RCC2: variants seen among roughly 807,000 people sequenced by gnomAD.
RCC2 encodes the protein regulator of chromosome condensation 2.
Under a neutral mutation model 64.1 loss-of-function variants are expected in RCC2, and 19 were observed. That is an observed-to-expected ratio of 0.30 (90% CI 0.21 to 0.44). The LOEUF is 0.44. Among genes scored for constraint, RCC2 ranks in the 20% least tolerant of loss-of-function variants. The probability of loss-of-function intolerance (pLI) is 1.00; values close to 1 mark genes in which losing one functional copy is unlikely to be tolerated. For missense variants in RCC2, 508 were observed against 710.4 expected, an observed-to-expected ratio of 0.72 and a Z score of 3.24; for synonymous variants, 325 against 279.6, an observed-to-expected ratio of 1.16 and a Z score of -1.62.
intron 4 of RCC2, among the ~76,000 whole-genome samples, chr1:17,424,100 C>A (rs995918279): frequency 6.6e-6 from 1 of 152,196 alleles, no homozygotes; most frequent in Non-Finnish European, 1.5e-5. Context: ...GACTGAGATG[C>A]GGCAGGACAG....
intron 7 of RCC2, among the ~76,000 whole-genome samples, chr1:17,417,247 C>G (rs181662748): frequency 1.9e-3 from 285 of 152,356 alleles, no homozygotes; most frequent in Middle Eastern, 0.017. Context: ...GCTCAGCACA[C>G]CACACACCAG....
chr1:17,416,411 GA>G, intron 8 of RCC2, 68 bp downstream of exon 8: 6 of 1,514,930 alleles, frequency 4.0e-6, no homozygotes, highest in Non-Finnish European at 5.4e-6. Flanking sequence ...CAAGCGTCAG[GA>G]AACTTGAGCA....
chr1:17,420,356 G>A (rs2075542619), intron 7 of RCC2, among the ~76,000 whole-genome samples: 1 of 152,116 alleles, frequency 6.6e-6, no homozygotes, highest in Admixed American at 6.5e-5. Context: ...TTCATTTTCC[G>A]TAATTTTCTC....
intron 2 of RCC2, among the ~76,000 whole-genome samples, chr1:17,436,947 C>A (rs2075741257): frequency 6.6e-6 from 1 of 152,184 alleles, no homozygotes; most frequent in South Asian, 2.1e-4. Context: ...TGATCCAAGA[C>A]CCCGGGCAAG....
Position 17,424,999 on chromosome 1 carries a change from GA to G in RCC2, c.523+541del, listed in dbSNP as rs1344918167. On this transcript the variant is annotated intron_variant, in intron 4 of 12. Coordinates refer to ENST00000375436, the MANE Select transcript of RCC2 (RefSeq NM_018715.4). ...AAAAAAGCAAACTGAAGTATCTGGG[GA>G]AATATCCTAAGAAGCAGACAACACG... Among the ~76,000 whole-genome samples, 4 of 152,292 alleles carry G rather than the reference GA, an allele frequency of 2.6e-5. No homozygotes were observed. The East Asian group carries it at 7.7e-4, about 29-fold the overall frequency.
chr1:17,429,297 CAGTT>C lies in RCC2; in HGVS notation c.286-102_286-99del, dbSNP rs1422885392. 1.4e-5 allele frequency: 13 copies of C among 929,306 alleles called. No homozygotes were observed. The Admixed American group carries it at 1.7e-4, about 12-fold the overall frequency. The allele number at this position is 929,306 out of a possible 1,614,324, so 57.6% of individuals were successfully genotyped here. A position where few individuals can be genotyped will look rare whatever the true frequency, so the allele number is the denominator to read the frequency against. ...CAGCACGAAACGAAAGAAAATCATT[CAGTT>C]AGCCCTTATGTCACCTGTGACCTCC... On this transcript the variant is annotated intron_variant, in intron 2 of 12. Transcript: ENST00000375436.
At chr1:17,435,460 T>C (rs2075726283) in intron 2 of RCC2, among the ~76,000 whole-genome samples, 1 of 152,220 alleles carries the variant, frequency 6.6e-6, no homozygotes, top group South Asian at 2.1e-4. Flanking sequence ...AGGACTGCTG[T>C]CTGCCTGTGG....
intron 5 of RCC2, 30 bp downstream of exon 5, chr1:17,422,675 G>A: frequency 6.2e-7 from 1 of 1,610,484 alleles, no homozygotes; most frequent in Middle Eastern, 1.7e-4. Context: ...TTGCCAAACT[G>A]AGAGGAGACA....
chr1:17,413,024 C>T (rs1011138488), intron 10 of RCC2, 49 bp downstream of exon 10: 1 of 1,356,674 alleles, frequency 7.4e-7, no homozygotes, highest in African/African-American at 1.4e-5. Flanking sequence ...TGTCTGACAC[C>T]CCCATGAAAG....
In RCC2 at chr1:17,420,722, C is replaced by T; in HGVS notation, c.851G>A (p.Gly284Asp). 1.3e-6 allele frequency: 2 copies of T among 1,597,592 alleles called. No homozygotes were observed. Among genetic ancestry groups the T allele is most frequent in the Non-Finnish European group, 1.7e-6 (2 of 1,173,630 alleles). The change falls in exon 7 of 13, where the codon GGT becomes GAT. Residue 284 changes from glycine (G) to aspartate (D), a missense_variant. By Grantham distance (94) the Gly-to-Asp change is moderately conservative (BLOSUM62 -1). This residue lies in a region of RCC2 where 179 missense variants were observed against 322.0 expected (regional missense o/e 0.56). Coordinates refer to ENST00000375436, the MANE Select transcript of RCC2 (RefSeq NM_018715.4). Reference protein sequence around the residue: ...NLYSFGCPEYGQLGHNSDGKF... With the variant: ...NLYSFGCPEYDQLGHNSDGKF... Reference sequence around the variant, plus strand: ...AAAATGTACTTCCATACCCAGCTGACCATATTCAGGGCACCCAAAGGAATA... The same window carrying T: ...AAAATGTACTTCCATACCCAGCTGATCATATTCAGGGCACCCAAAGGAATA...
chr1:17,419,336 G>C (rs145403341), intron 7 of RCC2, among the ~76,000 whole-genome samples: 1 of 152,334 alleles, frequency 6.6e-6, no homozygotes, highest in Admixed American at 6.5e-5. Context: ...TCCATCCCGG[G>C]TGACAGAGGG....
intron 2 of RCC2, among the ~76,000 whole-genome samples, chr1:17,437,742 C>T (rs913690139): frequency 1.4e-3 from 1 of 694 alleles, no homozygotes; most frequent in Non-Finnish European, 3.9e-3. Flanking sequence ...AACCTCAAAG[C>T]CCCGGCGCAA....
intron 2 of RCC2, 34 bp downstream of exon 2, chr1:17,438,196 C>T (rs1160935312): frequency 2.5e-6 from 3 of 1,185,496 alleles, no homozygotes; most frequent in Non-Finnish European, 3.2e-6. Context: ...GGCCCCGGCC[C>T]TGCGCCCACC....
At chr1:17,421,400 C>T (rs889989197) in intron 6 of RCC2, among the ~76,000 whole-genome samples, 3 of 151,864 alleles carry the variant, frequency 2.0e-5, no homozygotes, top group African/African-American at 7.3e-5. Context: ...GAGGCTGAGG[C>T]AGGAGAATCG....
At chr1:17,433,774 G>A (rs947686136) in intron 2 of RCC2, among the ~76,000 whole-genome samples, 13 of 152,132 alleles carry the variant, frequency 8.5e-5, no homozygotes, top group African/African-American at 2.9e-4. Flanking sequence ...TGCAAGGTGC[G>A]CGTTTACGGG....
At chr1:17,415,610 T>TGA (rs1468021192) in intron 8 of RCC2, among the ~76,000 whole-genome samples, 1 of 151,636 alleles carries the variant, frequency 6.6e-6, no homozygotes, top group African/African-American at 2.4e-5. Context: ...CTCAGGAGGC[T>TGA]GAGGCAGGAG....
chr1:17,438,405 TCGCGCTTCCTGCCCGCCGGGCCGC>T lies in RCC2; in HGVS notation c.86_109del (p.Gly29_Arg36del), dbSNP rs754440540. 2 of 1,264,574 alleles carry T rather than the reference TCGCGCTTCCTGCCCGCCGGGCCGC, an allele frequency of 1.6e-6. No homozygotes were observed. The highest frequency in any genetic ancestry group is 3.2e-5 in the East Asian group (1 of 31,116). The allele number at this position is 1,264,574 out of a possible 1,614,324, so 78.3% of individuals were successfully genotyped here. On this transcript the variant is annotated inframe_deletion, in exon 2 of 13. Coordinates refer to ENST00000375436, the MANE Select transcript of RCC2 (RefSeq NM_018715.4). ...GCTGCTACTGCAGCGCTCGGGCCGC[TCGCGCTTCCTGCCCGCCGGGCCGC>T]CGCGTTTCCTGGGCCCGGCGCGGGC...
At chr1:17,436,124 C>T (rs1179718169) in intron 2 of RCC2, among the ~76,000 whole-genome samples, 4 of 152,120 alleles carry the variant, frequency 2.6e-5, no homozygotes, top group Non-Finnish European at 4.4e-5. Flanking sequence ...CCTGCTTATA[C>T]ACATATGTAA....
intron 1 of RCC2, 180 bp from the exon 2 acceptor site, chr1:17,438,702 G>C (rs749484517): frequency 1.9e-6 from 1 of 532,848 alleles, no homozygotes; most frequent in Non-Finnish European, 2.8e-6. Context: ...CCCTGGCCCC[G>C]GCGCGGCTCC....
Sources: allele counts gnomAD v4.1 joint callset (sites outside exome capture counted in the v4.1 genomes callset), GRCh38; gene constraint gnomAD v4.1.1; regional missense constraint gnomAD v4.1.1; transcripts MANE v1.5; gene names NCBI Gene and HGNC (gene_info 2026-07-23, HGNC 2026-07-21).